The following GTF2IRD2 variants were observed in gnomAD, a reference collection of about 807,000 sequenced individuals.
GTF2IRD2 encodes general transcription factor II-I repeat domain-containing protein 2A.
In GTF2IRD2, 8 loss-of-function variants were observed where a neutral mutation model predicts 49.2. The ratio of observed to expected loss-of-function variants is 0.16; its 90% CI spans 0.10 to 0.29. GTF2IRD2 has a LOEUF of 0.29. Among genes scored for constraint, GTF2IRD2 ranks in the 10% least tolerant of loss-of-function variants. The pLI is 1.00. For synonymous variants in GTF2IRD2, 47 were observed against 289.7 expected (o/e 0.16, Z 8.51); for missense variants, 130 against 725.7 (o/e 0.18, Z 9.43).
At chr7:74,840,096 G>A (rs71260305) in intron 1 of GTF2IRD2, among the ~76,000 whole-genome samples, 14 of 45,110 alleles carry the variant, frequency 3.1e-4, no homozygotes, top group East Asian at 1.4e-3. Context: ...TTTTTGAGAC[G>A]GAGTCTCACT....
intron 5 of GTF2IRD2, 53 bp from the exon 6 acceptor site, chr7:74,822,508 C>A (rs1554418836): frequency 1.5e-6 from 1 of 669,896 alleles, no homozygotes; most frequent in East Asian, 2.8e-5. Flanking sequence ...AAAAGCATGA[C>A]ACATCTGAAC....
At chr7:74,825,826 A>C (rs1393447273) in intron 3 of GTF2IRD2, among the ~76,000 whole-genome samples, 2 of 136,944 alleles carry the variant, frequency 1.5e-5, no homozygotes, top group African/African-American at 5.4e-5. Flanking sequence ...TTTGAGACAG[A>C]GTCTCGCTGT....
At position 74,798,100 on chromosome 7, in the gene GTF2IRD2, C is replaced by A. The variant is rs370776622; in HGVS notation, c.1412G>T (p.Ser471Ile). 8.7e-6 allele frequency: 14 copies of A among 1,601,358 alleles called. No individual in the cohort carries two copies. Among genetic ancestry groups the A allele is most frequent in the Non-Finnish European group, 1.2e-5 (14 of 1,176,802 alleles). ...TTCCATATACTGGTCATAATGCTTG[C>A]TGTGATTGGTTTGATAGTGGCGTCT... ...NLRRHYQTNH[S>I]KHYDQYMERM... Residue 471 changes from serine (S) to isoleucine (I), a missense_variant, in exon 16 of 16, where the codon AGC becomes ATC. Transcript: ENST00000451013.
In GTF2IRD2 at chr7:74,817,197, G is replaced by A. The variant is rs1454097487; in HGVS notation, c.670+2357C>T. ...CTCCCAAGTAGCTGGGATTACAGGC[G>A]TGCGTGGTGGCGCCTAATTTTTGTA... On this transcript the variant is annotated intron_variant, in intron 8 of 15. Coordinates refer to ENST00000451013, the MANE Select transcript of GTF2IRD2 (RefSeq NM_173537.5). 1.1e-4 allele frequency among the ~76,000 whole-genome samples: 2 copies of A among 17,958 alleles called. 1 individual carries two copies. The highest frequency in any genetic ancestry group is 1.6e-4 in the Non-Finnish European group (2 of 12,412). 11.8% of individuals were successfully genotyped at this position (17,958 alleles called of 152,430 possible).
intron 2 of GTF2IRD2, among the ~76,000 whole-genome samples, chr7:74,833,213 T>A: frequency 1.3e-5 from 1 of 74,696 alleles, no homozygotes; most frequent in East Asian, 3.9e-3. Context: ...CAACCACGCC[T>A]GGCTAATTTG....
rs1219501496 is a variant in GTF2IRD2 at position 74,841,832 on chromosome 7, A to C, written c.-5-5449T>G. 3.5e-5 allele frequency among the ~76,000 whole-genome samples: 5 copies of C among 141,986 alleles called. 2 individuals carry two copies. The highest frequency in any genetic ancestry group is 1.4e-4 in the African/African-American group (5 of 35,476). The allele number at this position is 141,986 out of a possible 152,430, so 93.1% of individuals were successfully genotyped here. On this transcript the variant is annotated intron_variant, in intron 1 of 15. Transcript: ENST00000451013. ...TTCAGAGTGATGAAAATGTTCAAAAATTGACTGTGATGGCCGGGCACAGTG... is the reference window on the plus strand; with the variant it reads ...TTCAGAGTGATGAAAATGTTCAAAACTTGACTGTGATGGCCGGGCACAGTG...
intron 2 of GTF2IRD2, among the ~76,000 whole-genome samples, chr7:74,835,188 CT>C (rs1171550198): frequency 2.7e-5 from 4 of 145,878 alleles, no homozygotes; most frequent in Admixed American, 6.8e-5. Context: ...AGGCTGTTTA[CT>C]TTTTTTTTCT....
intron 8 of GTF2IRD2, among the ~76,000 whole-genome samples, chr7:74,815,734 CAAGA>C (rs1413854915): frequency 2.7e-4 from 5 of 18,404 alleles, no homozygotes; most frequent in African/African-American, 8.1e-4. Flanking sequence ...CCTGGCAAGA[CAAGA>C]AAGAAAGAAA....
chr7:74,831,289 C>T (rs1799822274), intron 3 of GTF2IRD2, among the ~76,000 whole-genome samples: 1 of 150,544 alleles, frequency 6.6e-6, no homozygotes. Flanking sequence ...ATCCATCCAT[C>T]TAAGCTATCT....
At chr7:74,822,476 T>C in intron 5 of GTF2IRD2, 21 bp from the exon 6 acceptor site, 1 of 799,080 alleles carries the variant, frequency 1.3e-6, no homozygotes, top group Non-Finnish European at 2.0e-6. Flanking sequence ...AGCAACACCA[T>C]TACCCAGCAC....
Position 74,798,063 on chromosome 7 carries a change from G to A in GTF2IRD2, c.1449C>T (p.Asp483=), listed in dbSNP as rs144767970. The A allele has an allele frequency of 1.6e-3, 2,621 of 1,591,716 alleles. No individual in the cohort carries two copies. The African/African-American group carries it at 0.034, about 21-fold the overall frequency. Residue 483 remains aspartate, a synonymous_variant, in exon 16 of 16, where the codon GAC becomes GAT. Transcript: ENST00000451013. ...CTTTTTTCAGCTCGTGAAGCTTCTC[G>A]TCACGCATTCTTTCCATATACTGGT... ...HYDQYMERMR[D]EKLHELKKGL...
At chr7:74,823,084 T>G (rs801013) in intron 4 of GTF2IRD2, among the ~76,000 whole-genome samples, 85,105 of 100,484 alleles carry the variant, frequency 0.85, 37,045 homozygotes, top group East Asian at 0.98. Flanking sequence ...TCACCGTGTT[T>G]CCCAGACTGG....
rs1436406489 is a variant in GTF2IRD2 at position 74,825,869 on chromosome 7, C to CCACT, written c.239-821_239-818dup. Among the ~76,000 whole-genome samples the CCACT allele has an allele frequency of 2.0e-5, 3 of 150,142 alleles. No homozygotes were observed. In the East Asian group the frequency reaches 6.0e-4, roughly 30 times the overall value. On this transcript the variant is annotated intron_variant, in intron 3 of 15. Coordinates refer to ENST00000451013, the MANE Select transcript of GTF2IRD2 (RefSeq NM_173537.5). ...AGGCTGGAGTGCAGTGGCATGTTCT[C>CCACT]CACTCACTGCAAGTTCTGCCTCCCG...
At position 74,821,930 on chromosome 7, in the gene GTF2IRD2, A is replaced by C. The variant is rs1372905538; in HGVS notation, c.571+497T>G. The stretch of plus-strand genomic sequence containing the variant: ...TTCTTTATTTCTTCTAAAAAAAAAA[A>C]GGGGGGGATACATCTGCAGAATGTG... On this transcript the variant is annotated intron_variant, in intron 6 of 15. Coordinates refer to ENST00000451013, the MANE Select transcript of GTF2IRD2 (RefSeq NM_173537.5). 20 of 147,922 alleles carry C rather than the reference A, an allele frequency of 1.4e-4. 1 individual carries two copies. The highest frequency in any genetic ancestry group is 1.1e-3 in the Admixed American group (17 of 15,734). The allele number at this position is 147,922 out of a possible 1,614,324, so 9.2% of individuals were successfully genotyped here.
intron 1 of GTF2IRD2, among the ~76,000 whole-genome samples, chr7:74,842,129 A>C (rs1286692927): frequency 2.4e-5 from 2 of 84,766 alleles, no homozygotes; most frequent in African/African-American, 1.2e-4. Flanking sequence ...GTCTCACAAA[A>C]AAAACAAAAC....
intron 1 of GTF2IRD2, among the ~76,000 whole-genome samples, chr7:74,850,660 G>GC: frequency 1.9e-5 from 1 of 52,472 alleles, no homozygotes; most frequent in South Asian, 8.5e-4. Flanking sequence ...GGCAAAGGTT[G>GC]CACAGCTCTG....
intron 1 of GTF2IRD2, among the ~76,000 whole-genome samples, chr7:74,845,200 G>A (rs1170290379): frequency 3.3e-5 from 5 of 152,356 alleles, no homozygotes; most frequent in African/African-American, 1.2e-4. Flanking sequence ...TAATAGGCAG[G>A]ATGATACCAC....
intron 1 of GTF2IRD2, among the ~76,000 whole-genome samples, chr7:74,844,886 T>A (rs1292642675): frequency 1.0e-5 from 1 of 95,564 alleles, no homozygotes; most frequent in African/African-American, 3.1e-5. Context: ...TAATAGGAGG[T>A]TTCACCATGT....
At chr7:74,840,128 A>G (rs1365937605) in intron 1 of GTF2IRD2, among the ~76,000 whole-genome samples, 1 of 55,148 alleles carries the variant, frequency 1.8e-5, no homozygotes, top group Non-Finnish European at 2.8e-5. Flanking sequence ...ACTGGAGTGC[A>G]TGATCTCTGC....
Sources: gnomAD v4.1 joint callset for allele counts (sites outside exome capture counted in the v4.1 genomes callset) on GRCh38, gnomAD v4.1.1 for gene constraint, MANE v1.5 for transcripts, NCBI Gene and HGNC (gene_info 2026-07-23, HGNC 2026-07-21) for gene names.